The following TCF7L1 variants were observed in gnomAD, a reference collection of about 807,000 sequenced individuals.
TCF7L1 encodes the protein transcription factor 7-like 1.
Under a neutral mutation model 63.7 loss-of-function variants are expected in TCF7L1, and 18 were observed. That is an observed-to-expected ratio of 0.28 (90% CI 0.20 to 0.42). The LOEUF (loss-of-function observed/expected upper bound fraction) is 0.42. Ranked by LOEUF, TCF7L1 falls within the 10% of genes least tolerant of loss-of-function variation. The pLI is 1.00. For synonymous variants in TCF7L1, 355 were observed against 340.9 expected (o/e 1.04, Z -0.46); for missense variants, 654 against 779.3 (o/e 0.84, Z 1.91).
chr2:85,263,876 C>T (rs1680912776), intron 3 of TCF7L1, among the ~76,000 whole-genome samples: 2 of 152,214 alleles, frequency 1.3e-5, no homozygotes, highest in African/African-American at 4.8e-5. Flanking sequence ...AAGTGGAAAA[C>T]CAGCCGAAAG....
At chr2:85,193,701 A>AT (rs375660971) in intron 3 of TCF7L1, among the ~76,000 whole-genome samples, 6 of 152,328 alleles carry the variant, frequency 3.9e-5, no homozygotes, top group African/African-American at 1.4e-4. Flanking sequence ...ATTAAAATAA[A>AT]TAAGATGGCA....
chr2:85,276,883 G>A (rs546170743), intron 3 of TCF7L1, among the ~76,000 whole-genome samples: 23 of 152,286 alleles, frequency 1.5e-4, no homozygotes, highest in African/African-American at 4.3e-4. Context: ...ACCGCTTCTC[G>A]AGAGCGACAG....
chr2:85,249,948 TAAAGACATAGAC>T (rs1680552750), intron 3 of TCF7L1, among the ~76,000 whole-genome samples: 1 of 152,220 alleles, frequency 6.6e-6, no homozygotes, highest in Non-Finnish European at 1.5e-5. Context: ...GTTTGCAGTG[TAAAGACATAGAC>T]AAAGACATAG....
intron 4 of TCF7L1, among the ~76,000 whole-genome samples, chr2:85,291,864 T>TGC: frequency 6.6e-6 from 1 of 151,808 alleles, no homozygotes; most frequent in South Asian, 2.1e-4. Flanking sequence ...CACCACCACA[T>TGC]CCAGCTATTT....
intron 3 of TCF7L1, among the ~76,000 whole-genome samples, chr2:85,229,024 A>T (rs1680016270): frequency 6.9e-6 from 1 of 145,872 alleles, no homozygotes; most frequent in South Asian, 2.2e-4. Flanking sequence ...CTGTCTCAAA[A>T]AAAAAAAAAA....
chr2:85,271,155 C>T (rs1268324034), intron 3 of TCF7L1, among the ~76,000 whole-genome samples: 1 of 152,164 alleles, frequency 6.6e-6, no homozygotes, highest in Non-Finnish European at 1.5e-5. Flanking sequence ...CTCTGTCACC[C>T]AGGCTGGAGT....
At chr2:85,147,655 C>T (rs4832144) in intron 3 of TCF7L1, among the ~76,000 whole-genome samples, 11,260 of 152,110 alleles carry the variant, frequency 0.074, 623 homozygotes, top group African/African-American at 0.15. Context: ...AGCCCCTGTG[C>T]CACTTGTGGA....
chr2:85,147,558 G>A (rs532727791), intron 3 of TCF7L1, among the ~76,000 whole-genome samples: 41 of 152,132 alleles, frequency 2.7e-4, no homozygotes, highest in East Asian at 1.2e-3. Flanking sequence ...AGTGAGGGAG[G>A]GGAGCCCCAG....
chr2:85,196,429 T>A (rs1679158179), intron 3 of TCF7L1, among the ~76,000 whole-genome samples: 1 of 152,176 alleles, frequency 6.6e-6, no homozygotes, highest in African/African-American at 2.4e-5. Context: ...TGCCAGGTGC[T>A]GTGCAGCAGT....
intron 3 of TCF7L1, among the ~76,000 whole-genome samples, chr2:85,239,957 A>C (rs1367549067): frequency 1.3e-5 from 2 of 151,830 alleles, no homozygotes; most frequent in African/African-American, 2.4e-5. Flanking sequence ...AAAAAAAAAA[A>C]AAAACAAAAA....
chr2:85,184,682 G>A (rs1332253285), intron 3 of TCF7L1, among the ~76,000 whole-genome samples: 1 of 152,132 alleles, frequency 6.6e-6, no homozygotes, highest in African/African-American at 2.4e-5. Context: ...TAAGGACAAG[G>A]CTGCAGCACT....
At chr2:85,142,432 ATGTGTGTGTGTGTGTGTGTGTG>A (rs138067915) in intron 3 of TCF7L1, among the ~76,000 whole-genome samples, 1 of 138,078 alleles carries the variant, frequency 7.2e-6, no homozygotes, top group African/African-American at 2.7e-5. Context: ...AAAAAAAAAA[ATGTGTGTGTGTGTGTGTGTGTG>A]TGTGTGTGTG....
intron 5 of TCF7L1, chr2:85,303,625 T>C: frequency 2.8e-6 from 1 of 354,026 alleles, no homozygotes; most frequent in Non-Finnish European, 5.1e-6. Context: ...GGACGCTGGC[T>C]TCTGTATCAC....
chr2:85,247,836 G>C (rs757484866), intron 3 of TCF7L1, among the ~76,000 whole-genome samples: 4 of 152,248 alleles, frequency 2.6e-5, no homozygotes, highest in African/African-American at 9.6e-5. Context: ...TAAAATCACC[G>C]TATTTATGTG....
At chr2:85,225,242 G>C (rs1052479607) in intron 3 of TCF7L1, among the ~76,000 whole-genome samples, 8 of 152,140 alleles carry the variant, frequency 5.3e-5, no homozygotes, top group Non-Finnish European at 1.0e-4. Flanking sequence ...TTTTTGCTTA[G>C]GATTTTCTTG....
intron 3 of TCF7L1, among the ~76,000 whole-genome samples, chr2:85,276,911 G>GC (rs1681285213): frequency 6.6e-6 from 1 of 152,180 alleles, no homozygotes; most frequent in Non-Finnish European, 1.5e-5. Flanking sequence ...GAGGCTTCAT[G>GC]CCAGGGAGGG....
intron 11 of TCF7L1, 26 bp from the exon 12 acceptor site, chr2:85,309,003 C>T: frequency 1.3e-6 from 2 of 1,560,924 alleles, no homozygotes; most frequent in South Asian, 1.2e-5. Flanking sequence ...TATAGCTGCT[C>T]ACTCTTTCTT....
At chr2:85,304,168 A>G (rs1558662005) in intron 6 of TCF7L1, 87 bp from the exon 7 acceptor site, 2 of 1,417,134 alleles carry the variant, frequency 1.4e-6, no homozygotes, top group Non-Finnish European at 2.0e-6. Context: ...CTTCCTTCCC[A>G]TATTTCTCAT....
At chr2:85,166,486 GC>G (rs1308904682) in intron 3 of TCF7L1, among the ~76,000 whole-genome samples, 3 of 152,206 alleles carry the variant, frequency 2.0e-5, no homozygotes, top group African/African-American at 7.2e-5. Flanking sequence ...AAATAGAGAT[GC>G]CCTGACTAGA....
Sources: allele counts gnomAD v4.1 joint callset (sites outside exome capture counted in the v4.1 genomes callset), GRCh38; gene constraint gnomAD v4.1.1; transcripts MANE v1.5; gene names NCBI Gene and HGNC (gene_info 2026-07-23, HGNC 2026-07-21).